Variants in MPP3 observed in about 807,000 individuals in gnomAD.
MPP3 encodes the protein MAGUK p55 subfamily member 3.
MPP3 carries 48 observed loss-of-function variants against 80.7 expected under a neutral mutation model. The ratio of observed to expected loss-of-function variants is 0.59; its 90% CI spans 0.47 to 0.76. The LOEUF is 0.76. MPP3 is among the 30% of genes least tolerant of loss of function. The pLI is 0.00. For missense variants in MPP3, 620 were observed against 763.0 expected (o/e 0.81, Z 2.21); for synonymous variants, 311 against 297.6 (o/e 1.04, Z -0.46).
At chr17:43,813,896 G>T in intron 16 of MPP3, 115 bp downstream of exon 16, 1 of 888,116 alleles carries the variant, frequency 1.1e-6, no homozygotes, top group Non-Finnish European at 1.7e-6. Flanking sequence ...AGCAGGCAGT[G>T]CCTGGTGATC....
At chr17:43,831,124 C>T (rs1826153033) in intron 5 of MPP3, 120 bp downstream of exon 5, 2 of 899,448 alleles carry the variant, frequency 2.2e-6, no homozygotes, top group East Asian at 2.4e-5. Flanking sequence ...GAAGAAAACA[C>T]CTCTTCACCT....
rs202087865 is a variant in MPP3 at position 43,820,844 on chromosome 17, A to G, written c.881+18T>C. The G allele has an allele frequency of 1.1e-4, 177 of 1,613,250 alleles. No homozygotes were observed. Among genetic ancestry groups the G allele is most frequent in the Admixed American group, 6.0e-4 (36 of 59,952 alleles). On this transcript the variant is annotated intron_variant, in intron 11 of 19. Transcript: ENST00000398389. ...TGCCACTCTGGAACCAGCCCTTCACAACATACCCCAGACCCACCTCTCCTG... is the reference window on the plus strand; with the variant it reads ...TGCCACTCTGGAACCAGCCCTTCACGACATACCCCAGACCCACCTCTCCTG...
chr17:43,830,017 G>A lies in MPP3; in HGVS notation c.303+10C>T, dbSNP rs1227002749. On this transcript the variant is annotated intron_variant, in intron 6 of 19. Coordinates refer to ENST00000398389, the MANE Select transcript of MPP3 (RefSeq NM_001932.6). ...AGAGGCATGGCTGGGCAGGGGCTCT[G>A]TGTGACTACCCTCAGGTGCGGGGTG... 4.4e-6 allele frequency: 7 copies of A among 1,606,262 alleles called. No individual in the cohort carries two copies. Among genetic ancestry groups the A allele is most frequent in the Admixed American group, 1.7e-5 (1 of 59,236 alleles).
intron 8 of MPP3, among the ~76,000 whole-genome samples, chr17:43,826,990 C>T (rs561490546): frequency 2.0e-5 from 3 of 150,806 alleles, no homozygotes; most frequent in African/African-American, 7.4e-5. Flanking sequence ...TGTGGGCCAC[C>T]CGTGCATGGC....
At chr17:43,813,496 C>T (rs981988296) in intron 16 of MPP3, among the ~76,000 whole-genome samples, 10 of 152,130 alleles carry the variant, frequency 6.6e-5, no homozygotes, top group East Asian at 1.9e-4. Flanking sequence ...CAGGGTGCCC[C>T]TGGCAGCAGT....
intron 10 of MPP3, among the ~76,000 whole-genome samples, chr17:43,823,267 C>T (rs2045545783): frequency 6.6e-6 from 1 of 152,008 alleles, no homozygotes. Flanking sequence ...GCAAAACCCA[C>T]CACCATCCTC....
At position 43,818,012 on chromosome 17, in the gene MPP3, CTCCCTGGAGTGCCA is replaced by C. The variant is rs759726991; in HGVS notation, c.946+20_946+33del. On this transcript the variant is annotated intron_variant, in intron 12 of 19. Coordinates refer to ENST00000398389, the MANE Select transcript of MPP3 (RefSeq NM_001932.6). ...TCCTCCCTCGCCCTAACCCCGGGCC[CTCCCTGGAGTGCCA>C]TCCCTGACAATCTACTCACAGGGGG... 9 of 1,546,926 alleles carry C rather than the reference CTCCCTGGAGTGCCA, an allele frequency of 5.8e-6. No individual in the cohort carries two copies. The highest frequency in any genetic ancestry group is 7.9e-6 in the Non-Finnish European group (9 of 1,144,688).
Position 43,820,465 on chromosome 17 carries a change from G to A in MPP3, c.881+397C>T, listed in dbSNP as rs944323508. ...AAATTAGCCAGGCATGGTGGTGCAC[G>A]CCTGTAATCTCAGCTACTCAGGAGG... On this transcript the variant is annotated intron_variant, in intron 11 of 19. Transcript: ENST00000398389. Among the ~76,000 whole-genome samples the A allele has an allele frequency of 8.0e-4, 121 of 151,776 alleles. 1 individual carries two copies. Among genetic ancestry groups the A allele is most frequent in the Admixed American group, 1.3e-4 (2 of 15,246 alleles).
rs370502957 is a variant in MPP3 at position 43,814,141 on chromosome 17, C to G, written c.1175-50G>C. On this transcript the variant is annotated intron_variant, in intron 15 of 19. Coordinates refer to ENST00000398389, the MANE Select transcript of MPP3 (RefSeq NM_001932.6). ...CAGGGTCCCTGCTGAGCTCCCTCCCCACCTGCTCCAGGGAGGAAACCAGAT... is the reference window on the plus strand; with the variant it reads ...CAGGGTCCCTGCTGAGCTCCCTCCCGACCTGCTCCAGGGAGGAAACCAGAT... The G allele has an allele frequency of 4.4e-6, 7 of 1,604,700 alleles. No homozygotes were observed. In the African/African-American group the frequency reaches 8.0e-5, roughly 18 times the overall value.
chr17:43,809,609 G>T (rs2044758880), intron 18 of MPP3, among the ~76,000 whole-genome samples: 1 of 152,188 alleles, frequency 6.6e-6, no homozygotes, highest in East Asian at 1.9e-4. Context: ...GCCAGGTGCG[G>T]TGGCTCACAC....
chr17:43,829,542 A>C, intron 7 of MPP3, 112 bp downstream of exon 7: 1 of 1,305,308 alleles, frequency 7.7e-7, no homozygotes, highest in Non-Finnish European at 1.1e-6. Flanking sequence ...AGCGCAGGCA[A>C]AGCTGCCGTC....
intron 18 of MPP3, 103 bp from the exon 19 acceptor site, chr17:43,809,181 A>G: frequency 8.2e-7 from 1 of 1,221,650 alleles, no homozygotes; most frequent in Non-Finnish European, 1.1e-6. Flanking sequence ...CATAACCTCA[A>G]CAGCAAAGGT....
chr17:43,809,131 A>G (rs2044739719), intron 18 of MPP3, 53 bp from the exon 19 acceptor site: 1 of 1,528,098 alleles, frequency 6.5e-7, no homozygotes, highest in Non-Finnish European at 8.7e-7. Context: ...TTTGTTGTGA[A>G]ATAGACTTTT....
At position 43,825,701 on chromosome 17, in the gene MPP3, C is replaced by T. The variant is rs2045660688; in HGVS notation, c.609+55G>A. ...AATCTGTCCTGGCTCCAGGAAGTGCCTTGCTCTGGGTGTCTGAAGACCCAG... is the reference window on the plus strand; with the variant it reads ...AATCTGTCCTGGCTCCAGGAAGTGCTTTGCTCTGGGTGTCTGAAGACCCAG... On this transcript the variant is annotated intron_variant, in intron 9 of 19. Coordinates refer to ENST00000398389, the MANE Select transcript of MPP3 (RefSeq NM_001932.6). The T allele has an allele frequency of 9.8e-6, 12 of 1,222,020 alleles. No individual in the cohort carries two copies. In the East Asian group the frequency reaches 2.3e-4, roughly 24 times the overall value. 75.7% of individuals were successfully genotyped at this position (1,222,020 alleles called of 1,614,324 possible). A position where few individuals can be genotyped will look rare whatever the true frequency, so the allele number is the denominator to read the frequency against.
chr17:43,821,147 A>G, intron 10 of MPP3, 89 bp from the exon 11 acceptor site: 4 of 1,293,966 alleles, frequency 3.1e-6, no homozygotes, highest in Non-Finnish European at 1.1e-6. Context: ...GACAACGACC[A>G]TCCACACTTA....
chr17:43,804,139 A>G (rs1052661399), intron 19 of MPP3, among the ~76,000 whole-genome samples: 1 of 152,162 alleles, frequency 6.6e-6, no homozygotes, highest in Non-Finnish European at 1.5e-5. Flanking sequence ...AAAATGAGCC[A>G]TTTCCCCCTG....
intron 9 of MPP3, 29 bp from the exon 10 acceptor site, chr17:43,824,034 G>C (rs144215147): frequency 1.3e-6 from 2 of 1,528,596 alleles, no homozygotes; most frequent in Non-Finnish European, 1.8e-6. Context: ...GAAGCTTCTC[G>C]CCTACCAGGT....
intron 8 of MPP3, 94 bp from the exon 9 acceptor site, chr17:43,825,935 C>G: frequency 1.3e-6 from 1 of 782,152 alleles, no homozygotes; most frequent in Non-Finnish European, 2.2e-6. Context: ...GCCTGAGAAG[C>G]CCACTGCAGG....
chr17:43,830,495 C>T (rs1178636967), intron 5 of MPP3, among the ~76,000 whole-genome samples: 2 of 152,208 alleles, frequency 1.3e-5, no homozygotes, highest in Non-Finnish European at 2.9e-5. Flanking sequence ...TGAACCTGGG[C>T]TTATCTGGCT....
Sources: gnomAD v4.1 joint callset for allele counts (sites outside exome capture counted in the v4.1 genomes callset) on GRCh38, gnomAD v4.1.1 for gene constraint, MANE v1.5 for transcripts, NCBI Gene and HGNC (gene_info 2026-07-23, HGNC 2026-07-21) for gene names.